The following BAG4 variants were observed in gnomAD, a reference collection of about 807,000 sequenced individuals.
BAG4 encodes BAG family molecular chaperone regulator 4.
Under a neutral mutation model 52.1 loss-of-function variants are expected in BAG4, and 28 were observed. The ratio of observed to expected loss-of-function variants is 0.54; its 90% CI spans 0.40 to 0.74. The LOEUF (loss-of-function observed/expected upper bound fraction) is 0.74. Ranked by LOEUF, BAG4 falls within the 30% of genes least tolerant of loss-of-function variation. The probability of loss-of-function intolerance (pLI) is 0.00; values close to 1 mark genes in which losing one functional copy is unlikely to be tolerated. For missense variants in BAG4, 525 were observed against 572.0 expected (o/e 0.92, Z 0.84); for synonymous variants, 208 against 217.0 (o/e 0.96, Z 0.37).
rs550146149 is a variant in BAG4, at chr8:38,209,251, C to G, written c.872C>G (p.Pro291Arg). The change falls in exon 4 of 5, where the codon CCA becomes CGA. Residue 291 changes from proline (P) to arginine (R), a missense_variant. Physicochemically the swap from Pro to Arg is moderately radical, Grantham distance 103. Transcript: ENST00000287322. ...SGSPQSPPSPPVQQPKDSSYP... is the reference protein window; with the variant it reads ...SGSPQSPPSPRVQQPKDSSYP... Reference sequence around the variant, plus strand: ...TCTCCCCAGTCACCCCCTTCACCCCCAGTCCAGCAGCCCAAGGTAGGAGAC... The same window carrying G: ...TCTCCCCAGTCACCCCCTTCACCCCGAGTCCAGCAGCCCAAGGTAGGAGAC... The G allele has an allele frequency of 2.5e-6, 4 of 1,614,196 alleles. No individual in the cohort carries two copies. Among genetic ancestry groups the G allele is most frequent in the Non-Finnish European group, 3.4e-6 (4 of 1,180,038 alleles).
At chr8:38,177,587 C>G (rs573204297) in intron 1 of BAG4, among the ~76,000 whole-genome samples, 6 of 152,338 alleles carry the variant, frequency 3.9e-5, no homozygotes, top group Admixed American at 1.3e-4. Flanking sequence ...GAGGAGGGAT[C>G]TGGGCATTTA....
Position 38,194,122 on chromosome 8 carries a change from T to C in BAG4, c.378+1327T>C, listed in dbSNP as rs182736179. On this transcript the variant is annotated intron_variant, in intron 2 of 4. Coordinates refer to ENST00000287322, the MANE Select transcript of BAG4 (RefSeq NM_004874.4). The stretch of plus-strand genomic sequence containing the variant: ...CCTGACCTCAGGTGATCCGCCCACC[T>C]TGGCCTCCCAAAGTGCTGGGTTTAC... Among the ~76,000 whole-genome samples the C allele has an allele frequency of 1.4e-4, 22 of 152,264 alleles. No individual in the cohort carries two copies. The East Asian group carries it at 4.1e-3, about 28-fold the overall frequency.
At chr8:38,189,206 A>G (rs1803427062) in intron 1 of BAG4, among the ~76,000 whole-genome samples, 1 of 152,078 alleles carries the variant, frequency 6.6e-6, no homozygotes, top group African/African-American at 2.4e-5. Context: ...CGGCCTCCCA[A>G]AGTGTTGGGA....
chr8:38,178,272 A>G (rs534199032), intron 1 of BAG4, among the ~76,000 whole-genome samples: 1 of 151,252 alleles, frequency 6.6e-6, no homozygotes, highest in African/African-American at 2.4e-5. Flanking sequence ...CTCCTGCCTC[A>G]GCCTCTCGAG....
At chr8:38,193,400 C>T (rs185350978) in intron 2 of BAG4, among the ~76,000 whole-genome samples, 4 of 151,634 alleles carry the variant, frequency 2.6e-5, no homozygotes, top group African/African-American at 7.3e-5. Flanking sequence ...GCCTGGGCGA[C>T]GAGTGAGACT....
Position 38,192,616 on chromosome 8 carries a change from G to T in BAG4, c.271-72G>T, listed in dbSNP as rs896385971. 5.1e-6 allele frequency: 6 copies of T among 1,186,626 alleles called. No homozygotes were observed. In the African/African-American group the frequency reaches 9.3e-5, roughly 18 times the overall value. 73.5% of individuals were successfully genotyped at this position (1,186,626 alleles called of 1,614,324 possible). A position where few individuals can be genotyped will look rare whatever the true frequency, so the allele number is the denominator to read the frequency against. On this transcript the variant is annotated intron_variant, in intron 1 of 4. Transcript: ENST00000287322. ...CTTTTTTTTTTAATCCTTATAACCT[G>T]CCTCTATCAATCTATCTTAAAATGA...
intron 2 of BAG4, among the ~76,000 whole-genome samples, chr8:38,203,236 A>T (rs1417592231): frequency 6.6e-6 from 1 of 151,212 alleles, no homozygotes; most frequent in East Asian, 2.0e-4. Context: ...TTGCTAAGCG[A>T]GTGTTCTTAT....
chr8:38,178,057 T>C (rs560144844), intron 1 of BAG4, among the ~76,000 whole-genome samples: 20 of 152,260 alleles, frequency 1.3e-4, no homozygotes, highest in African/African-American at 4.8e-4. Flanking sequence ...CCTGGCTATA[T>C]ACCCAAGAAA....
At chr8:38,197,282 T>TACA (rs1304570093) in intron 2 of BAG4, among the ~76,000 whole-genome samples, 3 of 152,196 alleles carry the variant, frequency 2.0e-5, no homozygotes, top group African/African-American at 7.2e-5. Context: ...CTTTCACAAG[T>TACA]CTAGATGGTA....
chr8:38,201,882 T>A (rs1427408389), intron 2 of BAG4: 84 of 38,754 alleles, frequency 2.2e-3, no homozygotes, highest in African/African-American at 2.9e-3. Context: ...ATATATATAT[T>A]TTTTTTTTTT....
chr8:38,188,857 G>A (rs1803419184), intron 1 of BAG4, among the ~76,000 whole-genome samples: 2 of 150,946 alleles, frequency 1.3e-5, no homozygotes, highest in Admixed American at 6.6e-5. Context: ...GCAGTGGCAC[G>A]ATCTTGGCTC....
At chr8:38,204,322 TC>T (rs1803732882) in intron 2 of BAG4, 1 of 151,808 alleles carries the variant, frequency 6.6e-6, no homozygotes, top group African/African-American at 2.4e-5. Flanking sequence ...GAGTTCGAGA[TC>T]AGCCTGGGCA....
At chr8:38,201,539 G>A (rs953816558) in intron 2 of BAG4, among the ~76,000 whole-genome samples, 1 of 151,978 alleles carries the variant, frequency 6.6e-6, no homozygotes, top group Non-Finnish European at 1.5e-5. Context: ...CTGGGCTCAG[G>A]TGATCCTTCT....
At chr8:38,192,487 A>G (rs1803492315) in intron 1 of BAG4, among the ~76,000 whole-genome samples, 1 of 151,966 alleles carries the variant, frequency 6.6e-6, no homozygotes, top group Non-Finnish European at 1.5e-5. Context: ...TGACCATACT[A>G]GACTCAATCA....
intron 1 of BAG4, among the ~76,000 whole-genome samples, chr8:38,177,421 TG>T (rs1803181690): frequency 6.6e-6 from 1 of 152,216 alleles, no homozygotes; most frequent in African/African-American, 2.4e-5. Context: ...ATCTCTCTCC[TG>T]GGAGCGGTGC....
rs763093397 is a variant in BAG4, at chr8:38,207,503, T to G, written c.379-9T>G. On this transcript the variant is annotated splice_polypyrimidine_tract_variant and intron_variant, in intron 2 of 4. Transcript: ENST00000287322. ...TCATCTTTTTTTCACTCAACTTGGTTTTTTTCAGAGTTTGAATTCTTATAC... is the reference window on the plus strand; with the variant it reads ...TCATCTTTTTTTCACTCAACTTGGTGTTTTTCAGAGTTTGAATTCTTATAC... 1.2e-6 allele frequency: 2 copies of G among 1,603,530 alleles called. No individual in the cohort carries two copies. Among genetic ancestry groups the G allele is most frequent in the African/African-American group, 2.7e-5 (2 of 74,502 alleles).
intron 1 of BAG4, among the ~76,000 whole-genome samples, chr8:38,179,357 G>T (rs894579420): frequency 2.0e-5 from 3 of 151,638 alleles, no homozygotes; most frequent in East Asian, 3.9e-4. Context: ...GGGTTTTGTC[G>T]TGTGGGCCAG....
At chr8:38,185,407 A>G (rs149077215) in intron 1 of BAG4, among the ~76,000 whole-genome samples, 51 of 152,332 alleles carry the variant, frequency 3.3e-4, no homozygotes, top group Admixed American at 2.1e-3. Flanking sequence ...TAATGTATAA[A>G]ATAAGTTCAA....
intron 3 of BAG4, among the ~76,000 whole-genome samples, chr8:38,208,643 C>G (rs905056161): frequency 2.0e-5 from 3 of 152,104 alleles, no homozygotes; most frequent in Non-Finnish European, 4.4e-5. Context: ...CTGTGAATAA[C>G]TATGTTTATT....
Sources: gnomAD v4.1 joint callset for allele counts (sites outside exome capture counted in the v4.1 genomes callset) on GRCh38, gnomAD v4.1.1 for gene constraint, MANE v1.5 for transcripts, NCBI Gene and HGNC (gene_info 2026-07-23, HGNC 2026-07-21) for gene names.